Variants in MEIOC observed in about 807,000 individuals in gnomAD.
MEIOC encodes the protein meiosis-specific coiled-coil domain-containing protein MEIOC.
MEIOC carries 9 observed loss-of-function variants against 85.3 expected under a neutral mutation model. The observed-to-expected ratio is 0.11, with a 90% CI of 0.06 to 0.18. The LOEUF is 0.18. Among genes scored for constraint, MEIOC ranks in the 10% least tolerant of loss-of-function variants. The pLI, the probability that MEIOC is intolerant of heterozygous loss-of-function variation, is 1.00. For synonymous variants in MEIOC, 365 were observed against 393.7 expected (o/e 0.93, Z 0.86); for missense variants, 898 against 1,129.4 (o/e 0.80, Z 2.94).
chr17:44,667,123 A>G lies in MEIOC; in HGVS notation c.1212A>G (p.Lys404=). The change falls in exon 5 of 8, where the codon AAA becomes AAG. Residue 404 remains lysine (K), a synonymous_variant. Coordinates refer to ENST00000409122, the MANE Select transcript of MEIOC (RefSeq NM_001145080.3). ...AAACTACGCCACATCTGACAGAGAA[A>G]CAGTTTGCAAAGGAAGCAGTATTCA... ...FPKTTPHLTE[K]QFAKEAVFTA... The G allele has an allele frequency of 1.2e-6, 2 of 1,613,912 alleles. No individual in the cohort carries two copies. The highest frequency in any genetic ancestry group is 2.2e-5 in the South Asian group (2 of 91,078).
At chr17:44,662,009 A>T (rs757301560) in intron 2 of MEIOC, among the ~76,000 whole-genome samples, 1 of 152,204 alleles carries the variant, frequency 6.6e-6, no homozygotes, top group Non-Finnish European at 1.5e-5. Context: ...TTGTAAATAA[A>T]GTTTTATTGC....
chr17:44,658,827 G>T (rs953234384), intron 2 of MEIOC, among the ~76,000 whole-genome samples: 1 of 150,496 alleles, frequency 6.6e-6, no homozygotes, highest in Admixed American at 6.6e-5. Context: ...AAAACAAATT[G>T]AAGAATAAGA....
At chr17:44,665,523 T>G in intron 4 of MEIOC, 35 bp downstream of exon 4, 1 of 1,124,830 alleles carries the variant, frequency 8.9e-7, no homozygotes, top group Non-Finnish European at 1.2e-6. Flanking sequence ...ATAACAGGCT[T>G]TTAAACTAAC....
At chr17:44,675,889 T>C (rs1404505401), downstream of MEIOC, 8 of 435,318 alleles carry the variant, frequency 1.8e-5, no homozygotes, top group South Asian at 4.9e-4. Flanking sequence ...TAAGAACTTA[T>C]ACTAAGTTTT....
chr17:44,669,532 T>C lies in MEIOC; in HGVS notation c.2457+15T>C, dbSNP rs1011692464. On this transcript the variant is annotated intron_variant, in intron 6 of 7. Coordinates refer to ENST00000409122, the MANE Select transcript of MEIOC (RefSeq NM_001145080.3). ...AACTAGCCAGAGTAAGCTGTAAAAA[T>C]AGATAACAGTGGATGGATTTTTTGT... 26 of 1,551,252 alleles carry C rather than the reference T, an allele frequency of 1.7e-5. No homozygotes were observed. Among genetic ancestry groups the C allele is most frequent in the Middle Eastern group, 1.7e-4 (1 of 6,014 alleles).
At position 44,674,210 on chromosome 17, in the gene MEIOC, GA is replaced by G; in HGVS notation, c.*17del. On this transcript the variant is annotated 3_prime_UTR_variant, in exon 8 of 8. Transcript: ENST00000409122. ...AACAAACATTAAGGAAATGCCAGCAGAAAGAAGAATAAAAAGCTGATAAATA... is the reference window on the plus strand; with the variant it reads ...AACAAACATTAAGGAAATGCCAGCAGAAGAAGAATAAAAAGCTGATAAATA... 1 of 1,536,012 alleles carries G rather than the reference GA, an allele frequency of 6.5e-7. No homozygotes were observed. The highest frequency in any genetic ancestry group is 8.8e-7 in the Non-Finnish European group (1 of 1,138,730).
At chr17:44,676,295 A>G (rs891477076), downstream of MEIOC, 6 of 152,228 alleles carry the variant, frequency 3.9e-5, no homozygotes, top group African/African-American at 1.4e-4. Context: ...AAACTTTTAC[A>G]AAATTTGCAG....
chr17:44,661,244 C>T (rs1262163732), intron 2 of MEIOC, among the ~76,000 whole-genome samples: 4 of 142,916 alleles, frequency 2.8e-5, no homozygotes, highest in Non-Finnish European at 6.0e-5. Flanking sequence ...GCCGAGATCT[C>T]GCCACTCTAC....
At chr17:44,668,616 C>T (rs1295382863) in intron 5 of MEIOC, among the ~76,000 whole-genome samples, 1 of 152,200 alleles carries the variant, frequency 6.6e-6, no homozygotes, top group African/African-American at 2.4e-5. Flanking sequence ...CAGATGTGAG[C>T]CACTGCACCC....
intron 3 of MEIOC, among the ~76,000 whole-genome samples, chr17:44,663,512 G>A (rs1391133383): frequency 2.6e-5 from 4 of 152,122 alleles, no homozygotes; most frequent in South Asian, 2.1e-4. Flanking sequence ...GAAAGTCTAC[G>A]TAATACATAA....
chr17:44,656,978 G>A (rs1971767594), intron 1 of MEIOC, 149 bp from the exon 2 acceptor site: 2 of 952,264 alleles, frequency 2.1e-6, no homozygotes, highest in Non-Finnish European at 3.0e-6. Flanking sequence ...AGAATCCCGA[G>A]GCTGGAAGCG....
At chr17:44,669,608 C>A (rs1971969867) in intron 6 of MEIOC, 91 bp downstream of exon 6, 1 of 1,348,902 alleles carries the variant, frequency 7.4e-7, no homozygotes, top group Non-Finnish European at 1.0e-6. Context: ...TCCTGTAATC[C>A]CACCACTTTG....
In MEIOC at chr17:44,675,132, T is replaced by C; in HGVS notation, c.*936T>C. Reference sequence around the variant, plus strand: ...AGCTTGCAATTGGTTAGTGTATATTTTGTGTAGTTGTGTTCATTAGTTTGC... The same window carrying C: ...AGCTTGCAATTGGTTAGTGTATATTCTGTGTAGTTGTGTTCATTAGTTTGC... On this transcript the variant is annotated 3_prime_UTR_variant, in exon 8 of 8. Transcript: ENST00000409122. 1 of 984,936 alleles carries C rather than the reference T, an allele frequency of 1.0e-6. No individual in the cohort carries two copies. The highest frequency in any genetic ancestry group is 1.2e-6 in the Non-Finnish European group (1 of 829,498). The allele number at this position is 984,936 out of a possible 1,614,324, so 61.0% of individuals were successfully genotyped here. A position where few individuals can be genotyped will look rare whatever the true frequency, so the allele number is the denominator to read the frequency against.
At position 44,675,096 on chromosome 17, in the gene MEIOC, C is replaced by G; in HGVS notation, c.*900C>G. ...AATGTATTTTTTTAAAGGTTAATCT[C>G]TAACTAGTTTAGCTTGCAATTGGTT... is the stretch of plus-strand genomic sequence containing the variant. On this transcript the variant is annotated 3_prime_UTR_variant, in exon 8 of 8. Transcript: ENST00000409122. 1 of 985,128 alleles carries G rather than the reference C, an allele frequency of 1.0e-6. No homozygotes were observed. The highest frequency in any genetic ancestry group is 1.7e-5 in the African/African-American group (1 of 57,312). 61.0% of individuals were successfully genotyped at this position (985,128 alleles called of 1,614,324 possible).
intron 1 of MEIOC, among the ~76,000 whole-genome samples, 172 bp from the exon 2 acceptor site, chr17:44,656,955 C>G (rs1971767137): frequency 6.6e-6 from 1 of 151,954 alleles, no homozygotes; most frequent in Admixed American, 6.6e-5. Flanking sequence ...TCAGGGGGCC[C>G]GAGGGGAGAG....
intron 7 of MEIOC, 129 bp from the exon 8 acceptor site, chr17:44,673,847 T>G (rs918945056): frequency 3.9e-5 from 45 of 1,143,148 alleles, no homozygotes; most frequent in Non-Finnish European, 1.2e-5. Context: ...TTTGGTTCAA[T>G]CAATAACTAT....
At chr17:44,662,725 C>G (rs1215360938) in intron 3 of MEIOC, among the ~76,000 whole-genome samples, 2 of 152,176 alleles carry the variant, frequency 1.3e-5, no homozygotes. Context: ...GATCATGGCT[C>G]ACTACAACTT....
Position 44,674,392 on chromosome 17 carries a change from A to G in MEIOC, c.*196A>G, listed in dbSNP as rs1972048334. ...TCCGATATAGTTTTAAGTAAACGCA[A>G]AGGTACAGTTGACTACTCAGAGTTC... On this transcript the variant is annotated 3_prime_UTR_variant, in exon 8 of 8. Coordinates refer to ENST00000409122, the MANE Select transcript of MEIOC (RefSeq NM_001145080.3). 1 of 1,369,596 alleles carries G rather than the reference A, an allele frequency of 7.3e-7. No homozygotes were observed. Among genetic ancestry groups the G allele is most frequent in the Admixed American group, 3.1e-5 (1 of 32,350 alleles). 84.8% of individuals were successfully genotyped at this position (1,369,596 alleles called of 1,614,324 possible).
chr17:44,657,343 G>GGCTC, intron 2 of MEIOC, 82 bp downstream of exon 2: 1 of 1,246,524 alleles, frequency 8.0e-7, no homozygotes, highest in Non-Finnish European at 1.1e-6. Flanking sequence ...GGTGTTTAAT[G>GGCTC]GCTCCACAGT....
Sources: gnomAD v4.1 joint callset for allele counts (sites outside exome capture counted in the v4.1 genomes callset) on GRCh38, gnomAD v4.1.1 for gene constraint, MANE v1.5 for transcripts, NCBI Gene and HGNC (gene_info 2026-07-23, HGNC 2026-07-21) for gene names.